The following ALG3 variants were observed in gnomAD, a reference collection of about 807,000 sequenced individuals.
ALG3 encodes ALG3 alpha-1,3- mannosyltransferase, also known as dol-P-Man:Man(5)GlcNAc(2)-PP-Dol alpha-1,3-mannosyltransferase.
ALG3 carries 39 observed loss-of-function variants against 50.5 expected under a neutral mutation model. The ratio of observed to expected loss-of-function variants is 0.77; its 90% CI spans 0.60 to 1.01. The LOEUF is 1.01. Among genes scored for constraint, ALG3 ranks in the 50% least tolerant of loss-of-function variants. ALG3 has a pLI of 0.00. For missense variants in ALG3, 520 were observed against 554.8 expected, an observed-to-expected ratio of 0.94 and a Z score of 0.63; for synonymous variants, 252 against 237.2, an observed-to-expected ratio of 1.06 and a Z score of -0.58.
Position 184,245,311 on chromosome 3 carries a change from G to A in ALG3, c.492C>T (p.Val164=). 1 of 1,613,322 alleles carries A rather than the reference G, an allele frequency of 6.2e-7. No homozygotes were observed. Among genetic ancestry groups the A allele is most frequent in the Non-Finnish European group, 8.5e-7 (1 of 1,179,620 alleles). The part of the protein sequence containing the change: ...FFFMCCASYR[V]HSIFVLRLFN... Reference sequence around the variant, plus strand: ...AGAGCCGCAGCACAAAGATGGAGTGGACACGGTAAGAGGCGCAGCACATGA... The same window carrying A: ...AGAGCCGCAGCACAAAGATGGAGTGAACACGGTAAGAGGCGCAGCACATGA... The change falls in exon 4 of 9, where the codon GTC becomes GTT. Residue 164 remains valine, a synonymous_variant. Coordinates refer to ENST00000397676, the MANE Select transcript of ALG3 (RefSeq NM_005787.6).
upstream of ALG3, chr3:184,249,057 A>G (rs1719375173): frequency 3.3e-6 from 5 of 1,493,270 alleles, no homozygotes; most frequent in Admixed American, 2.0e-5. Context: ...CCGAGTAGCC[A>G]GTCTTCATTT....
At position 184,245,525 on chromosome 3, in the gene ALG3, A is replaced by G; in HGVS notation, c.387T>C (p.Ala129=). The change falls in exon 3 of 9, where the codon GCT becomes GCC. Residue 129 remains alanine, a synonymous_variant. Coordinates refer to ENST00000397676, the MANE Select transcript of ALG3 (RefSeq NM_005787.6). ...GCAGCAAGGTAGCCAGGTAGAGCAC[A>G]GCAAAGATGTTCTGGGCCATGCGGA... ...TDIRMAQNIF[A]VLYLATLLLV... is the part of the protein sequence containing the mutation. 1 of 1,614,010 alleles carries G rather than the reference A, an allele frequency of 6.2e-7. No homozygotes were observed. Among genetic ancestry groups the G allele is most frequent in the Non-Finnish European group, 8.5e-7 (1 of 1,179,876 alleles).
At position 184,245,026 on chromosome 3, in the gene ALG3, G is replaced by T. The variant is rs189908535; in HGVS notation, c.605+172C>A. ...GACAGGATGGAAAGAGGGCATGTGT[G>T]TATGTTGGGGGATGGCAGGGCAGAA... On this transcript the variant is annotated intron_variant, in intron 4 of 8. Transcript: ENST00000397676. 358 of 898,918 alleles carry T rather than the reference G, an allele frequency of 4.0e-4. 2 individuals are homozygous for T. In the African/African-American group the frequency reaches 5.2e-3, roughly 13 times the overall value. 55.7% of individuals were successfully genotyped at this position (898,918 alleles called of 1,614,324 possible). A position where few individuals can be genotyped will look rare whatever the true frequency, so the allele number is the denominator to read the frequency against.
At chr3:184,243,142 T>A in intron 7 of ALG3, 185 bp from the exon 8 acceptor site, 1 of 792,328 alleles carries the variant, frequency 1.3e-6, no homozygotes. Context: ...GAGAGAGTAA[T>A]ACCTAGGGCC....
chr3:184,246,113 C>T (rs1252080944), intron 1 of ALG3, among the ~76,000 whole-genome samples: 1 of 152,124 alleles, frequency 6.6e-6, no homozygotes, highest in African/African-American at 2.4e-5. Flanking sequence ...CTTTGATACT[C>T]CCTCCTCTCT....
At chr3:184,244,197 A>C in intron 5 of ALG3, 1 of 603,408 alleles carries the variant, frequency 1.7e-6, no homozygotes, top group South Asian at 2.1e-5. Flanking sequence ...GAGGCAGGTC[A>C]TAACAATGCT....
chr3:184,245,260 C>G lies in ALG3; in HGVS notation c.543G>C (p.Leu181=). 6.2e-7 allele frequency: 1 copy of G among 1,613,824 alleles called. No homozygotes were observed. The highest frequency in any genetic ancestry group is 8.5e-7 in the Non-Finnish European group (1 of 1,179,840). ...GCAGGAGGTTGATACTGAGGAAGAG[C>G]AGCACCATGGCCACTGGGTCATTGA... is the stretch of plus-strand genomic sequence containing the variant. ...RLFNDPVAMV[L]LFLSINLLLA... Residue 181 remains leucine (L), a synonymous_variant, in exon 4 of 9, where the codon CTG becomes CTC. Transcript: ENST00000397676.
chr3:184,242,590 G>A lies in ALG3; in HGVS notation c.1241C>T (p.Ala414Val). The change falls in exon 9 of 9, where the codon GCC becomes GTC. Residue 414 changes from alanine (A) to valine (V), a missense_variant. Transcript: ENST00000397676. The stretch of plus-strand genomic sequence containing the variant: ...CAGCCAGAGCTGCAGCAGGATGACG[G>A]CATGGCATATGTGCAGGGCAGCAGA... The part of the protein sequence containing the change: ...CSSAALHICH[A>V]VILLQLWLGP... 6.2e-7 allele frequency: 1 copy of A among 1,604,022 alleles called. No homozygotes were observed. The highest frequency in any genetic ancestry group is 1.1e-5 in the South Asian group (1 of 89,942).
At chr3:184,244,301 TGGGA>T (rs1719009237) in intron 5 of ALG3, 33 of 524,552 alleles carry the variant, frequency 6.3e-5, no homozygotes, top group Non-Finnish European at 1.0e-4. Flanking sequence ...CCTAGCGCTT[TGGGA>T]GGCCAAGGCA....
chr3:184,248,874 G>C lies in ALG3; in HGVS notation c.67C>G (p.Gln23Glu). ...SAAQAEGLCK[Q>E]WLQRAWQERR... ...TCTTGCCAGGCGCGCTGCAGCCATTGCTTGCAGAGTCCCTCTGCCTGGGCC... is the reference window on the plus strand; with the variant it reads ...TCTTGCCAGGCGCGCTGCAGCCATTCCTTGCAGAGTCCCTCTGCCTGGGCC... Residue 23 changes from glutamine (Q) to glutamate (E), a missense_variant, in exon 1 of 9, where the codon CAA (glutamine) becomes GAA (glutamate). Gln to Glu is a conservative substitution (Grantham distance 29). Around this residue, in one of 3 missense-constraint regions of ALG3, gnomAD observed 290 missense variants for 265.9 expected, o/e 1.09. Transcript: ENST00000397676. 6.2e-7 allele frequency: 1 copy of C among 1,606,900 alleles called. No individual in the cohort carries two copies. The highest frequency in any genetic ancestry group is 8.5e-7 in the Non-Finnish European group (1 of 1,177,002).
chr3:184,248,494 T>C (rs1316353120), intron 1 of ALG3, among the ~76,000 whole-genome samples: 2 of 152,192 alleles, frequency 1.3e-5, no homozygotes, highest in African/African-American at 2.4e-5. Flanking sequence ...ATCTGACTTC[T>C]AAGCTGGTTT....
At chr3:184,243,134 G>A in intron 7 of ALG3, 177 bp from the exon 8 acceptor site, 3 of 847,750 alleles carry the variant, frequency 3.5e-6, no homozygotes, top group African/African-American at 1.7e-5. Context: ...GGAATATGGA[G>A]AGAGTAATAC....
chr3:184,244,705 T>A lies in ALG3; in HGVS notation c.622A>T (p.Lys208Ter). ...CCFFSLAVSV[K>*]MNVLLFAPGL... is the part of the protein sequence containing the mutation. ...GGGGCGAAGAGCAGCACATTCATCTTCACAGAGACTGCCAGGCTGGGGTGA... is the reference window on the plus strand; with the variant it reads ...GGGGCGAAGAGCAGCACATTCATCTACACAGAGACTGCCAGGCTGGGGTGA... Residue 208 changes from lysine to a stop codon, truncating the protein, a stop_gained, in exon 5 of 9, where the codon AAG (lysine) becomes TAG (stop). Transcript: ENST00000397676. LOFTEE classifies it high-confidence loss of function. 6.2e-7 allele frequency: 1 copy of A among 1,609,874 alleles called. No individual in the cohort carries two copies. The highest frequency in any genetic ancestry group is 8.5e-7 in the Non-Finnish European group (1 of 1,178,416).
chr3:184,247,452 C>T (rs1719221055), intron 1 of ALG3, among the ~76,000 whole-genome samples: 1 of 152,050 alleles, frequency 6.6e-6, no homozygotes, highest in African/African-American at 2.4e-5. Context: ...CATATGCCAC[C>T]ACGCCCAGCT....
chr3:184,249,023 C>T (rs1386806215), upstream of ALG3: 3 of 1,531,346 alleles, frequency 2.0e-6, no homozygotes, highest in Non-Finnish European at 1.8e-6. Context: ...CCGTGCCTGG[C>T]GTCCCACCAG....
chr3:184,249,043 C>T, upstream of ALG3: 1 of 1,515,874 alleles, frequency 6.6e-7, no homozygotes, highest in South Asian at 1.2e-5. Flanking sequence ...GGCTAAGCGC[C>T]GATCCGAGTA....
intron 5 of ALG3, chr3:184,244,346 C>A (rs567685598): frequency 1.8e-6 from 1 of 543,398 alleles, no homozygotes; most frequent in South Asian, 2.6e-5. Flanking sequence ...GAGTTTGAGA[C>A]CAGCCTGGGC....
rs1418265967 is a variant in ALG3, at chr3:184,242,322, T to G, written c.*192A>C. The G allele has an allele frequency of 1.2e-6, 1 of 814,746 alleles. No homozygotes were observed. Among genetic ancestry groups the G allele is most frequent in the Non-Finnish European group, 2.0e-6 (1 of 488,534 alleles). 50.5% of individuals were successfully genotyped at this position (814,746 alleles called of 1,614,324 possible). On this transcript the variant is annotated 3_prime_UTR_variant, in exon 9 of 9. Transcript: ENST00000397676. ...CCCAAATCCTATGCAATAAAGTGCC[T>G]CTTAGGACTGCTTGAGTGAATTCTT... is the stretch of plus-strand genomic sequence containing the variant.
chr3:184,245,232 C>A lies in ALG3; in HGVS notation c.571G>T (p.Ala191Ser). 4.3e-6 allele frequency: 7 copies of A among 1,613,892 alleles called. No individual in the cohort carries two copies. In the South Asian group the frequency reaches 7.7e-5, roughly 18 times the overall value. The change falls in exon 4 of 9, where the codon GCC (alanine) becomes TCC (serine). Residue 191 changes from alanine to serine, a missense_variant. Physicochemically the swap from Ala to Ser is moderately conservative, Grantham distance 99. Around this residue, in one of 3 missense-constraint regions of ALG3, gnomAD observed 290 missense variants for 265.9 expected, o/e 1.09. Coordinates refer to ENST00000397676, the MANE Select transcript of ALG3 (RefSeq NM_005787.6). ...CAGCAACCCCAGCCCCAGCGCTGGG[C>A]CAGCAGGAGGTTGATACTGAGGAAG... The part of the protein sequence containing the change: ...LLFLSINLLL[A>S]QRWGWGCCFF...
Sources: gnomAD v4.1 joint callset for allele counts (sites outside exome capture counted in the v4.1 genomes callset) on GRCh38, gnomAD v4.1.1 for gene constraint, gnomAD v4.1.1 regional missense constraint, MANE v1.5 for transcripts, NCBI Gene and HGNC (gene_info 2026-07-23, HGNC 2026-07-21) for gene names.